Variants in EZR observed in about 807,000 individuals in gnomAD.
The protein encoded by EZR is ezrin.
Under a neutral mutation model 74.8 loss-of-function variants are expected in EZR, and 40 were observed. The observed-to-expected ratio is 0.53, with a 90% CI of 0.42 to 0.70. The LOEUF is 0.70. Among genes scored for constraint, EZR ranks in the 30% least tolerant of loss-of-function variants. The pLI is 0.00. For synonymous variants in EZR, 341 were observed against 283.3 expected, an observed-to-expected ratio of 1.20 and a Z score of -2.05; for missense variants, 678 against 755.8, an observed-to-expected ratio of 0.90 and a Z score of 1.21.
intron 2 of EZR, among the ~76,000 whole-genome samples, chr6:158,793,823 C>T (rs1791804900): frequency 6.6e-6 from 1 of 152,154 alleles, no homozygotes; most frequent in South Asian, 2.1e-4. Flanking sequence ...ATAAACAGTT[C>T]CATGTTTAGA....
intron 5 of EZR, 90 bp downstream of exon 5, chr6:158,785,219 T>C (rs2306746): frequency 0.58 from 870,523 of 1,510,694 alleles, 260,560 homozygotes; most frequent in Non-Finnish European, 0.62. Context: ...GAAGTCCTTG[T>C]GTTTTTAAAC....
At chr6:158,814,423 A>AG (rs1562509277) in intron 2 of EZR, among the ~76,000 whole-genome samples, 1 of 151,462 alleles carries the variant, frequency 6.6e-6, no homozygotes. Flanking sequence ...GACAGCACTT[A>AG]GCGGGTTTTC....
rs893964838 is a variant in EZR at position 158,783,073 on chromosome 6, C to T, written c.698+447G>A. On this transcript the variant is annotated intron_variant, in intron 7 of 13. Coordinates refer to ENST00000367075, the MANE Select transcript of EZR (RefSeq NM_001111077.2). ...CCAGCATTTAGCTCAAGTGTCTACA[C>T]GTACAGGCTATTGTTTACAGCTTTT... Among the ~76,000 whole-genome samples, 5 of 152,198 alleles carry T rather than the reference C, an allele frequency of 3.3e-5. 1 individual carries two copies. The highest frequency in any genetic ancestry group is 4.1e-4 in the South Asian group (2 of 4,832).
intron 2 of EZR, among the ~76,000 whole-genome samples, chr6:158,803,557 A>T: frequency 4.8e-4 from 1 of 2,098 alleles, no homozygotes; most frequent in Non-Finnish European, 1.0e-3. Context: ...ATATATATAT[A>T]TATATATATA....
chr6:158,818,281 C>G (rs1373702422), intron 1 of EZR, 115 bp from the exon 2 acceptor site: 6 of 451,518 alleles, frequency 1.3e-5, no homozygotes, highest in South Asian at 8.1e-5. Flanking sequence ...AGCCCGGGCC[C>G]GGGTGAGTCA....
At chr6:158,798,692 C>T (rs544886436) in intron 2 of EZR, among the ~76,000 whole-genome samples, 46 of 143,400 alleles carry the variant, frequency 3.2e-4, no homozygotes, top group African/African-American at 1.1e-3. Flanking sequence ...AGTGCAGTGG[C>T]GTGATCTCAG....
chr6:158,769,336 C>CA lies in EZR; in HGVS notation c.1333dup (p.Trp445LeufsTer11). The stretch of plus-strand genomic sequence containing the variant: ...CCCGTGCAGACTCACCCTGTGCTGC[C>CA]ACTCTTCAACTTCATCCTCCTTGCG... On this transcript the variant is annotated frameshift_variant, in exon 12 of 14. Transcript: ENST00000367075. LOFTEE classifies it high-confidence loss of function. The CA allele has an allele frequency of 6.2e-7, 1 of 1,609,664 alleles. No individual in the cohort carries two copies. The highest frequency in any genetic ancestry group is 8.5e-7 in the Non-Finnish European group (1 of 1,179,990).
intron 7 of EZR, among the ~76,000 whole-genome samples, chr6:158,776,759 G>A (rs962236561): frequency 2.0e-5 from 3 of 152,118 alleles, no homozygotes; most frequent in African/African-American, 7.2e-5. Flanking sequence ...GGGCACCTAT[G>A]ATTACCCAGG....
intron 2 of EZR, among the ~76,000 whole-genome samples, chr6:158,813,971 C>T (rs1052016844): frequency 6.6e-6 from 1 of 152,164 alleles, no homozygotes; most frequent in Non-Finnish European, 1.5e-5. Flanking sequence ...CAGAAGAAAG[C>T]AAGTGTGGGA....
intron 2 of EZR, among the ~76,000 whole-genome samples, chr6:158,792,577 T>C (rs1273131053): frequency 6.6e-6 from 1 of 151,750 alleles, no homozygotes; most frequent in Non-Finnish European, 1.5e-5. Context: ...CCCAGCACTT[T>C]GGGAGGCCGA....
At chr6:158,786,424 G>A (rs747272233) in intron 4 of EZR, among the ~76,000 whole-genome samples, 1 of 152,184 alleles carries the variant, frequency 6.6e-6, no homozygotes, top group Non-Finnish European at 1.5e-5. Context: ...CTTGTGCTCA[G>A]CTGGAAATCA....
chr6:158,769,937 C>T lies in EZR; in HGVS notation c.1098G>A (p.Ser366=), dbSNP rs148026200. 1.2e-5 allele frequency: 19 copies of T among 1,610,368 alleles called. No homozygotes were observed. The highest frequency in any genetic ancestry group is 1.7e-4 in the Middle Eastern group (1 of 6,042). ...EKTKKAEREL[S]EQIQRALQLE... is the part of the protein sequence containing the mutation. The stretch of plus-strand genomic sequence containing the variant: ...GCTGCAGGGCCCTCTGAATCTGCTC[C>T]GAGAGCTCTGCAAAGACACAAAGCC... The change falls in exon 11 of 14, where the codon TCG becomes TCA. Residue 366 remains serine, a synonymous_variant. Transcript: ENST00000367075.
chr6:158,767,202 A>G, intron 13 of EZR, 59 bp downstream of exon 13: 4 of 1,585,030 alleles, frequency 2.5e-6, no homozygotes, highest in Non-Finnish European at 3.4e-6. Flanking sequence ...GCCCTCCCCA[A>G]GCCTGTCTGC....
rs771293041 is a variant in EZR, at chr6:158,766,213, A to G, written c.*701T>C. ...TTCCCTTTTTAAAACTAATGTTACA[A>G]ATCTGTATTATCACTTGTATATAAA... On this transcript the variant is annotated 3_prime_UTR_variant, in exon 14 of 14. Transcript: ENST00000367075. 3.3e-5 allele frequency: 5 copies of G among 152,584 alleles called. No homozygotes were observed. The highest frequency in any genetic ancestry group is 2.1e-4 in the South Asian group (1 of 4,826). 9.5% of individuals were successfully genotyped at this position (152,584 alleles called of 1,614,324 possible).
intron 2 of EZR, among the ~76,000 whole-genome samples, chr6:158,806,595 T>A (rs1777346213): frequency 6.6e-6 from 1 of 151,926 alleles, no homozygotes; most frequent in African/African-American, 2.4e-5. Flanking sequence ...CATTATCACA[T>A]CCAACATAAT....
At chr6:158,771,220 C>CG (rs1446763189) in intron 9 of EZR, 24 bp downstream of exon 9, 36 of 1,588,974 alleles carry the variant, frequency 2.3e-5, no homozygotes, top group Non-Finnish European at 2.9e-5. Flanking sequence ...ACAGGCCCCC[C>CG]CCACTCTGGC....
In EZR at chr6:158,818,236, G is replaced by C. The variant is rs377310261; in HGVS notation, c.-73-70C>G. 1,211 of 823,592 alleles carry C rather than the reference G, an allele frequency of 1.5e-3. 13 individuals are homozygous for C. The African/African-American group carries it at 0.019, about 13-fold the overall frequency. The allele number at this position is 823,592 out of a possible 1,614,324, so 51.0% of individuals were successfully genotyped here. ...CGTCCTCCTGCCGCGCCCGACACTC[G>C]GCGCCCGCAGCGCGCTGCCGCTTAA... is the stretch of plus-strand genomic sequence containing the variant. On this transcript the variant is annotated intron_variant, in intron 1 of 13. Transcript: ENST00000367075.
At chr6:158,819,101 G>T (rs1033588861) in intron 1 of EZR, among the ~76,000 whole-genome samples, 1 of 152,060 alleles carries the variant, frequency 6.6e-6, no homozygotes, top group South Asian at 2.1e-4. Context: ...GTTTCCTTCG[G>T]GAGAGACCTG....
At chr6:158,812,800 C>T (rs1229955366) in intron 2 of EZR, among the ~76,000 whole-genome samples, 1 of 152,138 alleles carries the variant, frequency 6.6e-6, no homozygotes, top group Non-Finnish European at 1.5e-5. Flanking sequence ...ACCACACATC[C>T]ACTTGCGCAA....
Sources: allele counts gnomAD v4.1 joint callset (sites outside exome capture counted in the v4.1 genomes callset), GRCh38; gene constraint gnomAD v4.1.1; transcripts MANE v1.5; gene names NCBI Gene and HGNC (gene_info 2026-07-23, HGNC 2026-07-21).